The following CHSY3 variants were observed in gnomAD, a reference collection of about 807,000 sequenced individuals.
CHSY3 encodes the protein N-acetylgalactosaminyl-proteoglycan 3-beta-glucuronosyltransferase 3.
A neutral mutation model predicts 67.2 loss-of-function variants in CHSY3; 35 were observed. That is an observed-to-expected ratio of 0.52 (90% CI 0.40 to 0.69). The LOEUF is 0.69. Among genes scored for constraint, CHSY3 ranks in the 30% least tolerant of loss-of-function variants. The probability of loss-of-function intolerance (pLI) is 0.00; values close to 1 mark genes in which losing one functional copy is unlikely to be tolerated. For synonymous variants in CHSY3, 474 were observed against 434.7 expected, an observed-to-expected ratio of 1.09 and a Z score of -1.12; for missense variants, 1,069 against 1,138.5, an observed-to-expected ratio of 0.94 and a Z score of 0.88.
At chr5:130,085,575 A>C (rs1038878194) in intron 2 of CHSY3, among the ~76,000 whole-genome samples, 4 of 151,906 alleles carry the variant, frequency 2.6e-5, no homozygotes, top group African/African-American at 9.7e-5. Context: ...TGGATTCATT[A>C]ATTTTTTGAA....
chr5:130,126,081 G>A (rs1458871301), intron 2 of CHSY3, among the ~76,000 whole-genome samples: 1 of 152,048 alleles, frequency 6.6e-6, no homozygotes, highest in Non-Finnish European at 1.5e-5. Flanking sequence ...CTTGATGAAT[G>A]CTATTCTAAT....
At chr5:129,981,353 A>C (rs536375353) in intron 2 of CHSY3, among the ~76,000 whole-genome samples, 1 of 151,912 alleles carries the variant, frequency 6.6e-6, no homozygotes, top group Non-Finnish European at 1.5e-5. Flanking sequence ...GTAGCTTTAT[A>C]TTAAATTATT....
intron 2 of CHSY3, among the ~76,000 whole-genome samples, chr5:129,920,840 A>T (rs1251308242): frequency 6.6e-6 from 1 of 151,414 alleles, no homozygotes; most frequent in Non-Finnish European, 1.5e-5. Flanking sequence ...TTTATTTAAG[A>T]CTGTGTTTCA....
At chr5:130,165,860 G>A (rs1273502303) in intron 2 of CHSY3, among the ~76,000 whole-genome samples, 1 of 151,952 alleles carries the variant, frequency 6.6e-6, no homozygotes, top group Non-Finnish European at 1.5e-5. Context: ...GCCTTTTTGT[G>A]AAATATTTTC....
At chr5:129,996,768 C>T (rs1763552172) in intron 2 of CHSY3, among the ~76,000 whole-genome samples, 1 of 152,152 alleles carries the variant, frequency 6.6e-6, no homozygotes, top group South Asian at 2.1e-4. Context: ...CACATACACA[C>T]ACACACTCCT....
At chr5:130,082,883 TACACAC>T (rs909521048) in intron 2 of CHSY3, among the ~76,000 whole-genome samples, 3 of 151,392 alleles carry the variant, frequency 2.0e-5, no homozygotes, top group Non-Finnish European at 4.4e-5. Context: ...TATATGTATA[TACACAC>T]ACACACATAT....
At chr5:130,167,444 A>T (rs1247296820) in intron 2 of CHSY3, among the ~76,000 whole-genome samples, 3 of 152,264 alleles carry the variant, frequency 2.0e-5, no homozygotes, top group Non-Finnish European at 2.9e-5. Flanking sequence ...GAAGATTTAC[A>T]TCTCAATAGG....
intron 2 of CHSY3, among the ~76,000 whole-genome samples, chr5:130,173,822 T>C (rs1294761488): frequency 6.6e-6 from 1 of 150,670 alleles, no homozygotes; most frequent in Non-Finnish European, 1.5e-5. Flanking sequence ...TTCTTTAATA[T>C]TGAGAATCAG....
At chr5:130,006,240 G>C (rs999918177) in intron 2 of CHSY3, among the ~76,000 whole-genome samples, 2 of 152,130 alleles carry the variant, frequency 1.3e-5, no homozygotes, top group African/African-American at 4.8e-5. Context: ...TGTGGCGTTA[G>C]GAATTTGCCT....
At chr5:130,051,418 T>G (rs2149671557) in intron 2 of CHSY3, among the ~76,000 whole-genome samples, 1 of 152,234 alleles carries the variant, frequency 6.6e-6, no homozygotes, top group South Asian at 2.1e-4. Context: ...TCTTACTTTC[T>G]TAACCAAAGA....
chr5:130,136,325 A>G (rs915151378), intron 2 of CHSY3, among the ~76,000 whole-genome samples: 3 of 152,186 alleles, frequency 2.0e-5, no homozygotes, highest in Non-Finnish European at 4.4e-5. Flanking sequence ...GGAAACTGTA[A>G]GTAGTTTGGT....
chr5:130,010,772 C>A (rs1217763302), intron 2 of CHSY3, among the ~76,000 whole-genome samples: 1 of 151,872 alleles, frequency 6.6e-6, no homozygotes, highest in Non-Finnish European at 1.5e-5. Context: ...CAAATAAACA[C>A]AATCAGAAAT....
intron 2 of CHSY3, among the ~76,000 whole-genome samples, chr5:130,061,726 G>C (rs1333620263): frequency 6.6e-6 from 1 of 151,878 alleles, no homozygotes; most frequent in East Asian, 1.9e-4. Flanking sequence ...CAACCCCACT[G>C]AAAGCTGGGC....
At chr5:130,056,785 T>C (rs1049858513) in intron 2 of CHSY3, among the ~76,000 whole-genome samples, 2 of 152,108 alleles carry the variant, frequency 1.3e-5, no homozygotes, top group African/African-American at 4.8e-5. Flanking sequence ...TGTCCTCATA[T>C]ATAAAGTAGG....
chr5:130,039,210 A>T (rs1764941228), intron 2 of CHSY3, among the ~76,000 whole-genome samples: 1 of 152,082 alleles, frequency 6.6e-6, no homozygotes, highest in Non-Finnish European at 1.5e-5. Flanking sequence ...GAACAGGATA[A>T]TTTGGATTAA....
intron 2 of CHSY3, among the ~76,000 whole-genome samples, chr5:130,037,545 T>C (rs1443268532): frequency 6.6e-6 from 1 of 152,106 alleles, no homozygotes; most frequent in Non-Finnish European, 1.5e-5. Context: ...AGTTTGAACA[T>C]ACTATGGCCT....
At chr5:129,999,578 T>C (rs1763659052) in intron 2 of CHSY3, among the ~76,000 whole-genome samples, 1 of 152,138 alleles carries the variant, frequency 6.6e-6, no homozygotes, top group Non-Finnish European at 1.5e-5. Context: ...ATCTTCCAAG[T>C]TTCCGCATTA....
intron 2 of CHSY3, among the ~76,000 whole-genome samples, chr5:130,160,157 A>G (rs1402737681): frequency 6.6e-6 from 1 of 152,186 alleles, no homozygotes; most frequent in Admixed American, 6.5e-5. Flanking sequence ...TTTGCATTCT[A>G]TTTTTATTCA....
At chr5:130,005,261 A>C (rs1763842602) in intron 2 of CHSY3, among the ~76,000 whole-genome samples, 1 of 151,972 alleles carries the variant, frequency 6.6e-6, no homozygotes, top group South Asian at 2.1e-4. Flanking sequence ...GTAAAAATAC[A>C]AAAATTAGCT....
Sources: gnomAD v4.1 joint callset for allele counts (sites outside exome capture counted in the v4.1 genomes callset) on GRCh38, gnomAD v4.1.1 for gene constraint, MANE v1.5 for transcripts, NCBI Gene and HGNC (gene_info 2026-07-23, HGNC 2026-07-21) for gene names.